The following TASP1 variants were observed in gnomAD, a reference collection of about 807,000 sequenced individuals.
TASP1 encodes taspase 1.
In TASP1, 16 loss-of-function variants were observed where a neutral mutation model predicts 56.6. The observed-to-expected ratio is 0.28, with a 90% CI of 0.19 to 0.43. TASP1 has a LOEUF of 0.43. Ranked by LOEUF, TASP1 falls within the 20% of genes least tolerant of loss-of-function variation. TASP1 has a pLI of 1.00. For missense variants in TASP1, 393 were observed against 511.6 expected (o/e 0.77, Z 2.24); for synonymous variants, 179 against 184.2 (o/e 0.97, Z 0.23).
the TASP1 span, among the ~76,000 whole-genome samples, chr20:13,310,080 T>C: frequency 2.0e-5 from 3 of 151,974 alleles, no homozygotes; most frequent in African/African-American, 4.8e-5. Context: ...CATAGAAACA[T>C]AAAAAACAAT....
At chr20:13,294,471 A>C in the TASP1 span, among the ~76,000 whole-genome samples, 1 of 152,206 alleles carries the variant, frequency 6.6e-6, no homozygotes, top group African/African-American at 2.4e-5. Flanking sequence ...AGGACTCTTC[A>C]TATCACACCC....
At chr20:13,454,352 A>G (rs991129311) in intron 11 of TASP1, among the ~76,000 whole-genome samples, 5 of 152,152 alleles carry the variant, frequency 3.3e-5, no homozygotes, top group Non-Finnish European at 7.4e-5. Flanking sequence ...AGTTTCAGGG[A>G]GAGTTCCTTG....
chr20:13,623,361 T>A (rs1294928505), intron 4 of TASP1, 85 bp downstream of exon 4: 1 of 1,140,530 alleles, frequency 8.8e-7, no homozygotes, highest in African/African-American at 1.5e-5. Flanking sequence ...TAATTTATGG[T>A]TGACTAACTC....
chr20:13,152,976 C>T, the TASP1 span, among the ~76,000 whole-genome samples: 1 of 152,200 alleles, frequency 6.6e-6, no homozygotes, highest in Non-Finnish European at 1.5e-5. Context: ...AATCTCTGAC[C>T]AGTTCGTCTG....
intron 2 of TASP1, 47 bp downstream of exon 2, chr20:13,629,887 G>GA: frequency 6.2e-7 from 1 of 1,607,350 alleles, no homozygotes; most frequent in Non-Finnish European, 8.5e-7. Context: ...GGCAGAAAAA[G>GA]AAAAATCAAC....
chr20:13,223,990 G>A, the TASP1 span, among the ~76,000 whole-genome samples: 2 of 152,092 alleles, frequency 1.3e-5, no homozygotes, highest in Admixed American at 6.5e-5. Flanking sequence ...GCTGGTGGAA[G>A]TGGCAGTTCT....
intron 13 of TASP1, among the ~76,000 whole-genome samples, chr20:13,390,737 T>C: frequency 6.6e-6 from 1 of 152,196 alleles, no homozygotes; most frequent in East Asian, 1.9e-4. Flanking sequence ...CCGCACAGAA[T>C]GTATAGTTTA....
chr20:13,207,522 T>C, the TASP1 span, among the ~76,000 whole-genome samples: 3 of 152,224 alleles, frequency 2.0e-5, no homozygotes, highest in Admixed American at 1.3e-4. Flanking sequence ...TCCTGCAATC[T>C]GCCATGTGCA....
chr20:13,622,503 A>T (rs539594051), intron 4 of TASP1, among the ~76,000 whole-genome samples: 55 of 152,344 alleles, frequency 3.6e-4, no homozygotes, highest in African/African-American at 1.3e-3. Flanking sequence ...AAGCAAGAGA[A>T]TATACAGAAA....
chr20:13,555,229 CAA>C (rs1182464442), intron 8 of TASP1, among the ~76,000 whole-genome samples: 2 of 151,492 alleles, frequency 1.3e-5, no homozygotes, highest in African/African-American at 2.4e-5. Context: ...ACTAAAAATA[CAA>C]AAATTAGCCA....
chr20:13,621,025 T>C (rs1378075242), intron 4 of TASP1, among the ~76,000 whole-genome samples: 3 of 152,208 alleles, frequency 2.0e-5, no homozygotes, highest in Non-Finnish European at 2.9e-5. Context: ...ATTCTTCCAA[T>C]TAGTGTAAGC....
intron 8 of TASP1, among the ~76,000 whole-genome samples, chr20:13,551,567 T>C (rs145955753): frequency 6.6e-6 from 1 of 152,312 alleles, no homozygotes; most frequent in Non-Finnish European, 1.5e-5. Flanking sequence ...TATCCAGGGC[T>C]GGCTGTTTGA....
At chr20:13,122,887 G>C in the TASP1 span, among the ~76,000 whole-genome samples, 18 of 152,250 alleles carry the variant, frequency 1.2e-4, no homozygotes, top group South Asian at 3.7e-3. Context: ...TGATGTATGG[G>C]TCTACCAATG....
intron 4 of TASP1, chr20:13,600,580 G>C (rs975790407): frequency 6.6e-6 from 1 of 152,118 alleles, no homozygotes; most frequent in East Asian, 1.9e-4. Context: ...TTTTGAAAAG[G>C]ACCATACACC....
chr20:13,603,192 C>T (rs1419753358), intron 4 of TASP1, among the ~76,000 whole-genome samples: 2 of 151,688 alleles, frequency 1.3e-5, no homozygotes, highest in African/African-American at 4.8e-5. Context: ...GATCACACCA[C>T]TGCACTCTAG....
intron 4 of TASP1, among the ~76,000 whole-genome samples, chr20:13,593,131 A>T (rs1207932755): frequency 6.6e-6 from 1 of 152,158 alleles, no homozygotes; most frequent in Non-Finnish European, 1.5e-5. Flanking sequence ...AATAGAGGAG[A>T]ATTTCCTTAA....
At chr20:13,293,508 T>C in the TASP1 span, among the ~76,000 whole-genome samples, 2 of 152,128 alleles carry the variant, frequency 1.3e-5, no homozygotes, top group Non-Finnish European at 2.9e-5. Flanking sequence ...TGAGTCTTTT[T>C]TTTTTTCATA....
intron 10 of TASP1, among the ~76,000 whole-genome samples, chr20:13,502,483 A>G (rs2043981958): frequency 2.0e-5 from 3 of 152,184 alleles, no homozygotes; most frequent in Admixed American, 1.3e-4. Context: ...ATATGATACC[A>G]TAGACCTATA....
At chr20:13,119,896 A>G in the TASP1 span, among the ~76,000 whole-genome samples, 6 of 152,336 alleles carry the variant, frequency 3.9e-5, no homozygotes, top group South Asian at 1.2e-3. Flanking sequence ...CCTGTGTGGA[A>G]TGATTTTGGT....
Sources: gnomAD v4.1 joint callset for allele counts (sites outside exome capture counted in the v4.1 genomes callset) on GRCh38, gnomAD v4.1.1 for gene constraint, MANE v1.5 for transcripts, NCBI Gene and HGNC (gene_info 2026-07-23, HGNC 2026-07-21) for gene names.